The following MSRA variants were observed in gnomAD, a reference collection of about 807,000 sequenced individuals.
The protein encoded by MSRA is methionine sulfoxide reductase A.
In MSRA, 54 loss-of-function variants were observed where a neutral mutation model predicts 31.3. That is an observed-to-expected ratio of 1.73 (90% CI 1.39 to 2.17). The LOEUF is 2.17. Ranked by LOEUF, MSRA falls within the 30% of genes most tolerant of loss-of-function variation. The pLI is 0.00. For missense variants in MSRA, 507 were observed against 300.9 expected, an observed-to-expected ratio of 1.69 and a Z score of -5.07; for synonymous variants, 169 against 116.5, an observed-to-expected ratio of 1.45 and a Z score of -2.90.
chr8:10,227,145 A>G (rs1811071278), intron 2 of MSRA, among the ~76,000 whole-genome samples: 1 of 152,150 alleles, frequency 6.6e-6, no homozygotes, highest in Non-Finnish European at 1.5e-5. Flanking sequence ...AGATCCTAAA[A>G]TGTGTTGAAT....
chr8:10,428,572 G>C lies in MSRA; in HGVS notation c.*260G>C. The C allele has an allele frequency of 2.3e-6, 1 of 430,658 alleles. No homozygotes were observed. The allele number at this position is 430,658 out of a possible 1,614,324, so 26.7% of individuals were successfully genotyped here. A position where few individuals can be genotyped will look rare whatever the true frequency, so the allele number is the denominator to read the frequency against. ...CTGGGGTCTGAGTGAAGATAGCAGGGATGCTGTGTTCACCCTTCTTGGTAG... is the reference window on the plus strand; with the variant it reads ...CTGGGGTCTGAGTGAAGATAGCAGGCATGCTGTGTTCACCCTTCTTGGTAG... On this transcript the variant is annotated 3_prime_UTR_variant, in exon 6 of 6. Coordinates refer to ENST00000317173, the MANE Select transcript of MSRA (RefSeq NM_012331.5).
chr8:10,231,776 G>A (rs982815306), intron 2 of MSRA, among the ~76,000 whole-genome samples: 3 of 152,184 alleles, frequency 2.0e-5, no homozygotes, highest in African/African-American at 2.4e-5. Flanking sequence ...GGTGGCGGGC[G>A]CCTATAGTCC....
chr8:10,248,311 C>T (rs932791580), intron 3 of MSRA, among the ~76,000 whole-genome samples: 2 of 152,256 alleles, frequency 1.3e-5, no homozygotes, highest in South Asian at 2.1e-4. Flanking sequence ...TCTCATAAAG[C>T]GGTATGCTTG....
At chr8:10,076,601 C>T (rs1443533216) in intron 1 of MSRA, among the ~76,000 whole-genome samples, 1 of 152,162 alleles carries the variant, frequency 6.6e-6, no homozygotes, top group Non-Finnish European at 1.5e-5. Flanking sequence ...TTCCTGATTG[C>T]CCCAGTCTAG....
At chr8:10,084,591 A>G (rs182408471) in intron 1 of MSRA, among the ~76,000 whole-genome samples, 5 of 152,354 alleles carry the variant, frequency 3.3e-5, no homozygotes, top group African/African-American at 1.2e-4. Flanking sequence ...GGCAAGTTAC[A>G]TGACCTTGGT....
chr8:10,149,063 G>A (rs1014120016), intron 1 of MSRA, among the ~76,000 whole-genome samples: 16 of 150,328 alleles, frequency 1.1e-4, no homozygotes, highest in African/African-American at 3.4e-4. Context: ...TCCAGTGATT[G>A]TCTTGCCTCA....
chr8:10,223,502 C>A (rs6601421), intron 2 of MSRA, among the ~76,000 whole-genome samples: 145,381 of 152,266 alleles, frequency 0.95, 69,636 homozygotes, highest in East Asian at 1. Flanking sequence ...TTATCGGCCA[C>A]ATTTGGGCTT....
chr8:10,162,539 G>A (rs1009823999), intron 1 of MSRA, among the ~76,000 whole-genome samples: 1 of 152,168 alleles, frequency 6.6e-6, no homozygotes, highest in African/African-American at 2.4e-5. Flanking sequence ...GGCAGGTGAC[G>A]GGAGGAGGAC....
chr8:10,362,210 T>C (rs1411289438), intron 5 of MSRA, among the ~76,000 whole-genome samples: 1 of 152,176 alleles, frequency 6.6e-6, no homozygotes, highest in African/African-American at 2.4e-5. Context: ...TCATACTTTA[T>C]ACAGCATGCC....
chr8:10,121,087 A>G (rs1801073285), intron 1 of MSRA, among the ~76,000 whole-genome samples: 1 of 152,200 alleles, frequency 6.6e-6, no homozygotes, highest in Non-Finnish European at 1.5e-5. Context: ...TGAAATGGGT[A>G]CAGATAAGAC....
intron 3 of MSRA, 144 bp from the exon 4 acceptor site, chr8:10,301,390 C>G (rs2129125391): frequency 1.6e-6 from 1 of 624,546 alleles, no homozygotes; most frequent in Non-Finnish European, 2.8e-6. Context: ...GAGAGAGACT[C>G]TTAGCTAAAG....
intron 3 of MSRA, among the ~76,000 whole-genome samples, chr8:10,278,849 A>G (rs1376611111): frequency 6.6e-6 from 1 of 152,220 alleles, no homozygotes; most frequent in Non-Finnish European, 1.5e-5. Context: ...CATTCCCGTC[A>G]GACTAATTTG....
At chr8:10,192,783 C>T (rs1049860011) in intron 1 of MSRA, among the ~76,000 whole-genome samples, 2 of 152,156 alleles carry the variant, frequency 1.3e-5, no homozygotes, top group Non-Finnish European at 2.9e-5. Flanking sequence ...GCTCAGGGTC[C>T]TTGGAAAGAA....
At chr8:10,425,986 C>T (rs182500677) in intron 5 of MSRA, among the ~76,000 whole-genome samples, 1 of 152,266 alleles carries the variant, frequency 6.6e-6, no homozygotes, top group East Asian at 1.9e-4. Context: ...CAGATGGCAC[C>T]CCCCACAGAC....
intron 1 of MSRA, among the ~76,000 whole-genome samples, chr8:10,196,726 ATTTTTAATTTTTT>A (rs754252346): frequency 7.2e-4 from 109 of 150,490 alleles, no homozygotes; most frequent in Admixed American, 9.3e-4. Context: ...ATTTTTTTTT[ATTTTTAATTTTTT>A]TTTTTAATTT....
chr8:10,294,558 C>G (rs534310246), intron 3 of MSRA, among the ~76,000 whole-genome samples: 1 of 152,124 alleles, frequency 6.6e-6, no homozygotes, highest in Non-Finnish European at 1.5e-5. Context: ...GCTCCCAAAC[C>G]GAGTTCTTGA....
chr8:10,289,738 G>T (rs1444013568), intron 3 of MSRA, among the ~76,000 whole-genome samples: 1 of 152,176 alleles, frequency 6.6e-6, no homozygotes, highest in Non-Finnish European at 1.5e-5. Flanking sequence ...TAACTCTGAG[G>T]TGGAACACAG....
At chr8:10,107,635 C>G (rs553094894) in intron 1 of MSRA, among the ~76,000 whole-genome samples, 1 of 152,258 alleles carries the variant, frequency 6.6e-6, no homozygotes, top group East Asian at 1.9e-4. Context: ...AAGAAAACCA[C>G]AAAAACCCAA....
intron 3 of MSRA, among the ~76,000 whole-genome samples, chr8:10,255,072 C>T (rs1798106758): frequency 6.6e-6 from 1 of 152,232 alleles, no homozygotes; most frequent in Non-Finnish European, 1.5e-5. Flanking sequence ...GGAGAGGGGG[C>T]TTCCCCCAGC....
Sources: allele counts gnomAD v4.1 joint callset (sites outside exome capture counted in the v4.1 genomes callset), GRCh38; gene constraint gnomAD v4.1.1; transcripts MANE v1.5; gene names NCBI Gene and HGNC (gene_info 2026-07-23, HGNC 2026-07-21).